CCDC122: variants seen among roughly 807,000 people sequenced by gnomAD.
CCDC122 encodes the protein coiled-coil domain-containing protein 122.
Under a neutral mutation model 37.0 loss-of-function variants are expected in CCDC122, and 38 were observed. The observed-to-expected ratio is 1.03, with a 90% CI of 0.79 to 1.35. The LOEUF (loss-of-function observed/expected upper bound fraction) is 1.35. Among genes scored for constraint, CCDC122 ranks in the 40% most tolerant of loss-of-function variants. The pLI is 0.00. For synonymous variants in CCDC122, 83 were observed against 95.6 expected (o/e 0.87, Z 0.77); for missense variants, 305 against 310.0 (o/e 0.98, Z 0.12).
In CCDC122 at chr13:43,856,629, CAAA is replaced by C. The variant is rs56367144; in HGVS notation, c.672+2149_672+2151del. ...TGGGCGATGGGGCGAGACTCTGTCT[CAAA>C]AAAAAAAAAAAGAAAAGAAAAAATC... On this transcript the variant is annotated intron_variant, in intron 6 of 6. Transcript: ENST00000444614. 19 of 97,460 alleles carry C rather than the reference CAAA, an allele frequency of 1.9e-4. No individual in the cohort carries two copies. The South Asian group carries it at 2.6e-3, about 13-fold the overall frequency. The allele number at this position is 97,460 out of a possible 1,614,324, so 6.0% of individuals were successfully genotyped here. A position where few individuals can be genotyped will look rare whatever the true frequency, so the allele number is the denominator to read the frequency against.
At chr13:43,837,669 G>T (rs1566940179) in intron 6 of CCDC122, among the ~76,000 whole-genome samples, 1 of 148,750 alleles carries the variant, frequency 6.7e-6, no homozygotes, top group Non-Finnish European at 1.5e-5. Context: ...TATGATATGG[G>T]TATTATTATC....
At position 43,858,874 on chromosome 13, in the gene CCDC122, A is replaced by T; in HGVS notation, c.579T>A (p.Asp193Glu). ...QVQEDITNLK[D>E]KIITVKESII... Reference sequence around the variant, plus strand: ...TAGATTCTTTTACAGTTATAATTTTATCCTTTAAGTTTGTAATGTCTTCCT... The same window carrying T: ...TAGATTCTTTTACAGTTATAATTTTTTCCTTTAAGTTTGTAATGTCTTCCT... Residue 193 changes from aspartate (D) to glutamate (E), a missense_variant, in exon 6 of 7, where the codon GAT becomes GAA. Transcript: ENST00000444614. 1 of 1,405,210 alleles carries T rather than the reference A, an allele frequency of 7.1e-7. No individual in the cohort carries two copies. Among genetic ancestry groups the T allele is most frequent in the Non-Finnish European group, 9.6e-7 (1 of 1,046,836 alleles). 87.0% of individuals were successfully genotyped at this position (1,405,210 alleles called of 1,614,324 possible).
chr13:43,846,285 G>C (rs1283221725), intron 6 of CCDC122, among the ~76,000 whole-genome samples: 4 of 152,074 alleles, frequency 2.6e-5, no homozygotes, highest in Admixed American at 6.5e-5. Context: ...CGTTGGCCAG[G>C]CTGGTCTCAA....
intron 3 of CCDC122, among the ~76,000 whole-genome samples, chr13:43,829,823 A>G (rs1953071679): frequency 6.6e-6 from 1 of 152,200 alleles, no homozygotes; most frequent in African/African-American, 2.4e-5. Flanking sequence ...TGTGACCTCA[A>G]CATAGTTGAA....
chr13:43,831,385 A>G (rs1263637594), downstream of CCDC122, among the ~76,000 whole-genome samples: 1 of 152,198 alleles, frequency 6.6e-6, no homozygotes, highest in Non-Finnish European at 1.5e-5. Flanking sequence ...GGCTTGCTAT[A>G]TATTTTTTTC....
At chr13:43,838,404 G>T (rs963201735) in intron 6 of CCDC122, among the ~76,000 whole-genome samples, 1 of 152,234 alleles carries the variant, frequency 6.6e-6, no homozygotes, top group Non-Finnish European at 1.5e-5. Flanking sequence ...GCCAGACGAG[G>T]ATACACTGGA....
chr13:43,831,007 T>G (rs903332882), intron 3 of CCDC122, among the ~76,000 whole-genome samples: 1 of 152,232 alleles, frequency 6.6e-6, no homozygotes, highest in Admixed American at 6.5e-5. Context: ...GCTTAGAAGA[T>G]AAATAATCTA....
chr13:43,833,183 T>C (rs1234901437), downstream of CCDC122, among the ~76,000 whole-genome samples: 1 of 152,232 alleles, frequency 6.6e-6, no homozygotes, highest in Non-Finnish European at 1.5e-5. Flanking sequence ...CTATAATTTG[T>C]CCATAGGTTG....
chr13:43,870,171 A>AAATATAC lies in CCDC122; in HGVS notation c.-113-689_-113-683dup, dbSNP rs1954400777. On this transcript the variant is annotated intron_variant, in intron 2 of 6. Coordinates refer to ENST00000444614, the MANE Select transcript of CCDC122 (RefSeq NM_144974.5). Reference sequence around the variant, plus strand: ...CTGTGTAGAGATCAAATCTATCTAGAAATATACAACTAAGCTAAAGAAATC... The same window carrying AAATATAC: ...CTGTGTAGAGATCAAATCTATCTAGAAATATACAATATACAACTAAGCTAAAGAAATC... Among the ~76,000 whole-genome samples, 3 of 152,270 alleles carry AAATATAC rather than the reference A, an allele frequency of 2.0e-5. No individual in the cohort carries two copies. The South Asian group carries it at 6.2e-4, about 32-fold the overall frequency.
At chr13:43,869,227 A>G in intron 3 of CCDC122, 104 bp downstream of exon 3, 5 of 840,528 alleles carry the variant, frequency 5.9e-6, no homozygotes, top group East Asian at 2.5e-5. Context: ...AACTGCTTCC[A>G]TCTATTCTAA....
chr13:43,853,240 C>A (rs1953801822), intron 6 of CCDC122, among the ~76,000 whole-genome samples: 1 of 152,072 alleles, frequency 6.6e-6, no homozygotes, highest in Non-Finnish European at 1.5e-5. Context: ...CTTCAAGAGA[C>A]CCATCTCACA....
chr13:43,822,437 C>T (rs1953000860), downstream of CCDC122, among the ~76,000 whole-genome samples: 1 of 152,218 alleles, frequency 6.6e-6, no homozygotes, highest in African/African-American at 2.4e-5. Flanking sequence ...TAATCACTAC[C>T]TGGCTACCGC....
At chr13:43,834,963 T>C (rs1953127381), downstream of CCDC122, among the ~76,000 whole-genome samples, 1 of 152,210 alleles carries the variant, frequency 6.6e-6, no homozygotes, top group Admixed American at 6.5e-5. Flanking sequence ...TTACTGGGTA[T>C]ATACCCAAAG....
In CCDC122 at chr13:43,860,004, GTCTT is replaced by G. The variant is rs751940216; in HGVS notation, c.219_222del (p.Glu73AspfsTer10). 4.4e-6 allele frequency: 7 copies of G among 1,583,580 alleles called. No individual in the cohort carries two copies. The highest frequency in any genetic ancestry group is 2.3e-5 in the East Asian group (1 of 43,714). Reference sequence around the variant, plus strand: ...ATGGCAGAATCTTGTTGATAAATTTGTCTTTCTGTTTCTTTAGTTTCTGCAGAGA... The same window carrying G: ...ATGGCAGAATCTTGTTGATAAATTTGTCTGTTTCTTTAGTTTCTGCAGAGA... On this transcript the variant is annotated frameshift_variant, in exon 5 of 7. Transcript: ENST00000444614. LOFTEE classifies it high-confidence loss of function.
At chr13:43,819,234 G>A (rs1952978742), downstream of CCDC122, among the ~76,000 whole-genome samples, 1 of 152,166 alleles carries the variant, frequency 6.6e-6, no homozygotes, top group South Asian at 2.1e-4. Context: ...CATTGTTGGT[G>A]TGATTATAAA....
At chr13:43,868,467 T>C (rs949927185) in intron 4 of CCDC122, among the ~76,000 whole-genome samples, 4 of 152,128 alleles carry the variant, frequency 2.6e-5, no homozygotes, top group Non-Finnish European at 2.9e-5. Context: ...TTAGGTTTTA[T>C]ATGCTTATCC....
At chr13:43,842,914 G>A (rs1953403499) in intron 6 of CCDC122, among the ~76,000 whole-genome samples, 1 of 151,884 alleles carries the variant, frequency 6.6e-6, no homozygotes, top group Admixed American at 6.6e-5. Flanking sequence ...GGTTCTGTTA[G>A]TCTTTTCTAT....
downstream of CCDC122, among the ~76,000 whole-genome samples, chr13:43,822,975 C>A (rs183177059): frequency 1.9e-3 from 286 of 152,270 alleles, 4 homozygotes; most frequent in Non-Finnish European, 1.9e-3. Context: ...AAGACAAAGT[C>A]CCCTTTACTT....
intron 6 of CCDC122, among the ~76,000 whole-genome samples, chr13:43,842,033 C>CAAAG (rs1251942343): frequency 2.0e-5 from 3 of 151,938 alleles, no homozygotes; most frequent in Non-Finnish European, 4.4e-5. Flanking sequence ...TGGTGTCTTT[C>CAAAG]AAAGAGTAGA....
Sources: gnomAD v4.1 joint callset for allele counts (sites outside exome capture counted in the v4.1 genomes callset) on GRCh38, gnomAD v4.1.1 for gene constraint, MANE v1.5 for transcripts, NCBI Gene and HGNC (gene_info 2026-07-23, HGNC 2026-07-21) for gene names.